AUTS2: variants seen among roughly 807,000 people sequenced by gnomAD.
AUTS2 encodes autism susceptibility gene 2 protein.
A neutral mutation model predicts 112.4 loss-of-function variants in AUTS2; 17 were observed. The observed-to-expected ratio is 0.15, with a 90% CI of 0.10 to 0.23. The LOEUF (loss-of-function observed/expected upper bound fraction) is 0.23, where lower values mean the gene tolerates loss of function less well. Ranked by LOEUF, AUTS2 falls within the 10% of genes least tolerant of loss-of-function variation. AUTS2 has a pLI of 1.00. For synonymous variants in AUTS2, 751 were observed against 702.7 expected, an observed-to-expected ratio of 1.07 and a Z score of -1.09; for missense variants, 1,510 against 1,701.6, an observed-to-expected ratio of 0.89 and a Z score of 1.98.
intron 5 of AUTS2, among the ~76,000 whole-genome samples, chr7:70,529,793 CAG>C (rs746016589): frequency 1.3e-4 from 20 of 152,138 alleles, no homozygotes; most frequent in Admixed American, 2.0e-4. Flanking sequence ...CCATAGTTCT[CAG>C]GGGGCAGTGA....
At chr7:70,314,546 G>A (rs577178517) in intron 4 of AUTS2, among the ~76,000 whole-genome samples, 11 of 152,292 alleles carry the variant, frequency 7.2e-5, no homozygotes, top group Admixed American at 2.0e-4. Flanking sequence ...CTCTGGCTGG[G>A]CCCTGGTGCC....
At chr7:70,768,789 C>T (rs1790107571) in intron 10 of AUTS2, among the ~76,000 whole-genome samples, 1 of 150,966 alleles carries the variant, frequency 6.6e-6, no homozygotes, top group African/African-American at 2.4e-5. Context: ...TATTCAAAGA[C>T]CTTGAATATT....
At chr7:70,215,432 T>TA (rs1277906599) in intron 4 of AUTS2, among the ~76,000 whole-genome samples, 1 of 152,178 alleles carries the variant, frequency 6.6e-6, no homozygotes, top group Non-Finnish European at 1.5e-5. Flanking sequence ...ATATGAATAG[T>TA]AGATTTTATT....
chr7:69,721,957 A>G (rs1255719128), intron 1 of AUTS2, among the ~76,000 whole-genome samples: 3 of 152,026 alleles, frequency 2.0e-5, no homozygotes, highest in Non-Finnish European at 4.4e-5. Context: ...ATATGTTGAG[A>G]TCTGATTGGT....
intron 1 of AUTS2, among the ~76,000 whole-genome samples, chr7:69,831,198 A>C (rs1279099318): frequency 6.6e-6 from 1 of 152,150 alleles, no homozygotes; most frequent in Non-Finnish European, 1.5e-5. Context: ...TTTTGAAGGA[A>C]TAAGAACAGT....
chr7:70,723,579 T>G (rs1180904660), intron 6 of AUTS2, among the ~76,000 whole-genome samples: 1 of 151,808 alleles, frequency 6.6e-6, no homozygotes, highest in African/African-American at 2.4e-5. Context: ...GCTGTACAGA[T>G]TGTCAAGTGC....
chr7:70,185,747 T>C (rs1310639253), intron 4 of AUTS2, among the ~76,000 whole-genome samples: 1 of 152,158 alleles, frequency 6.6e-6, no homozygotes. Context: ...TCTTTACATG[T>C]GTAGAATCAA....
At chr7:70,590,951 A>G (rs556655252) in intron 5 of AUTS2, among the ~76,000 whole-genome samples, 2 of 152,100 alleles carry the variant, frequency 1.3e-5, no homozygotes, top group Non-Finnish European at 2.9e-5. Flanking sequence ...CCACTACATT[A>G]TTTTTATTTA....
chr7:69,805,326 T>A (rs1208699305), intron 1 of AUTS2, among the ~76,000 whole-genome samples: 1 of 152,222 alleles, frequency 6.6e-6, no homozygotes, highest in East Asian at 1.9e-4. Context: ...AGAAATTTCC[T>A]TGTGAGAAAT....
chr7:69,853,503 A>G (rs1227365782), intron 1 of AUTS2, among the ~76,000 whole-genome samples: 1 of 152,060 alleles, frequency 6.6e-6, no homozygotes, highest in Non-Finnish European at 1.5e-5. Flanking sequence ...CTTTTTACAT[A>G]TATTTATCAT....
intron 5 of AUTS2, among the ~76,000 whole-genome samples, chr7:70,650,214 C>G (rs1806423183): frequency 6.6e-6 from 1 of 152,222 alleles, no homozygotes; most frequent in South Asian, 2.1e-4. Context: ...GACCCCATAG[C>G]AAACTTCCCC....
chr7:69,707,642 G>C (rs909343326), intron 1 of AUTS2, among the ~76,000 whole-genome samples: 2 of 152,160 alleles, frequency 1.3e-5, no homozygotes, highest in African/African-American at 4.8e-5. Context: ...TGCCTTTCTG[G>C]ATGCTAGGGA....
At chr7:70,432,491 A>G (rs2130831407) in intron 4 of AUTS2, among the ~76,000 whole-genome samples, 1 of 152,318 alleles carries the variant, frequency 6.6e-6, no homozygotes, top group African/African-American at 2.4e-5. Context: ...GACTCTATAA[A>G]ACAGCCTCCC....
chr7:70,549,253 G>A (rs1800921466), intron 5 of AUTS2, among the ~76,000 whole-genome samples: 1 of 152,058 alleles, frequency 6.6e-6, no homozygotes, highest in Admixed American at 6.6e-5. Context: ...AGTTTTAATA[G>A]CTGTTTTGTA....
chr7:70,411,866 C>G (rs1433873041), intron 4 of AUTS2, among the ~76,000 whole-genome samples: 1 of 151,444 alleles, frequency 6.6e-6, no homozygotes, highest in African/African-American at 2.4e-5. Flanking sequence ...GCCAACGCTG[C>G]CAAGGATTGT....
At chr7:70,237,932 T>TAG (rs1384459765) in intron 4 of AUTS2, among the ~76,000 whole-genome samples, 2 of 152,198 alleles carry the variant, frequency 1.3e-5, no homozygotes, top group African/African-American at 4.8e-5. Flanking sequence ...TTGTCACACT[T>TAG]AGTAACTTGA....
chr7:70,051,739 T>A (rs1801766038), intron 2 of AUTS2, among the ~76,000 whole-genome samples: 1 of 152,120 alleles, frequency 6.6e-6, no homozygotes, highest in Admixed American at 6.6e-5. Context: ...GATTCACTTG[T>A]GGAATCTAAT....
intron 2 of AUTS2, among the ~76,000 whole-genome samples, chr7:69,965,866 C>T (rs1471265489): frequency 1.3e-5 from 2 of 152,114 alleles, no homozygotes; most frequent in South Asian, 2.1e-4. Context: ...CTGTCAATCT[C>T]AGTGTGAAGT....
chr7:70,336,843 GT>G (rs1791012014), intron 4 of AUTS2, among the ~76,000 whole-genome samples: 1 of 152,058 alleles, frequency 6.6e-6, no homozygotes, highest in Non-Finnish European at 1.5e-5. Flanking sequence ...CAAGATGCTG[GT>G]TGCTCAGTAA....
Sources: gnomAD v4.1 joint callset for allele counts (sites outside exome capture counted in the v4.1 genomes callset) on GRCh38, gnomAD v4.1.1 for gene constraint, MANE v1.5 for transcripts, NCBI Gene and HGNC (gene_info 2026-07-23, HGNC 2026-07-21) for gene names.